MAP2K5: variants seen among roughly 807,000 people sequenced by gnomAD.
MAP2K5 encodes the protein mitogen-activated protein kinase kinase 5, also known as dual specificity mitogen-activated protein kinase kinase 5.
A neutral mutation model predicts 83.1 loss-of-function variants in MAP2K5; 49 were observed. That is an observed-to-expected ratio of 0.59 (90% CI 0.47 to 0.75). MAP2K5 has a LOEUF of 0.75. Among genes scored for constraint, MAP2K5 ranks in the 30% least tolerant of loss-of-function variants. The pLI is 0.00. For missense variants in MAP2K5, 457 were observed against 557.5 expected, an observed-to-expected ratio of 0.82 and a Z score of 1.82; for synonymous variants, 202 against 191.8, an observed-to-expected ratio of 1.05 and a Z score of -0.44.
intron 13 of MAP2K5, among the ~76,000 whole-genome samples, chr15:67,682,831 T>C (rs1056384360): frequency 1.6e-4 from 23 of 148,174 alleles, no homozygotes; most frequent in African/African-American, 5.6e-4. Flanking sequence ...AGACTCCATC[T>C]CAAAAAATAA....
At chr15:67,645,514 C>A (rs1009480767) in intron 9 of MAP2K5, among the ~76,000 whole-genome samples, 6 of 152,136 alleles carry the variant, frequency 3.9e-5, no homozygotes, top group Non-Finnish European at 2.9e-5. Flanking sequence ...TATTCATCAT[C>A]CTCTCTGCTT....
rs1226908116 is a variant in MAP2K5, at chr15:67,690,085, C to G, written c.848-2394C>G. Among the ~76,000 whole-genome samples, 5 of 152,128 alleles carry G rather than the reference C, an allele frequency of 3.3e-5. No homozygotes were observed. The highest frequency in any genetic ancestry group is 1.2e-4 in the African/African-American group (5 of 41,426). On this transcript the variant is annotated intron_variant, in intron 13 of 21. Transcript: ENST00000178640. This position sits in a 1 kb window ranked among gnomAD's most constrained non-coding sequence, Gnocchi z 4.3. Reference sequence around the variant, plus strand: ...ATTTTATATGTGGTCCAAGACAGTTCTTCTTCCAATGTGGCCCAGGGAAGC... The same window carrying G: ...ATTTTATATGTGGTCCAAGACAGTTGTTCTTCCAATGTGGCCCAGGGAAGC...
intron 8 of MAP2K5, among the ~76,000 whole-genome samples, chr15:67,604,012 G>C (rs2085724200): frequency 1.3e-5 from 2 of 152,150 alleles, no homozygotes; most frequent in Admixed American, 1.3e-4. Context: ...ATGGAATTTT[G>C]GGAATTTCAA....
At position 67,762,335 on chromosome 15, in the gene MAP2K5, T is replaced by C. The variant is rs2089964368; in HGVS notation, c.1135-7267T>C. On this transcript the variant is annotated intron_variant, in intron 19 of 21. Transcript: ENST00000178640. ...TGTGTGTACTGTTCATGTAGGCACATCTAAAAACTGCTGTGCACTATGGCT... is the reference window on the plus strand; with the variant it reads ...TGTGTGTACTGTTCATGTAGGCACACCTAAAAACTGCTGTGCACTATGGCT... Among the ~76,000 whole-genome samples, 3 of 152,078 alleles carry C rather than the reference T, an allele frequency of 2.0e-5. No homozygotes were observed. In the South Asian group the frequency reaches 6.2e-4, roughly 32 times the overall value.
rs2084983681 is a variant in MAP2K5 at position 67,573,217 on chromosome 15, T to C, written c.253-7537T>C. 6.6e-6 allele frequency among the ~76,000 whole-genome samples: 1 copy of C among 152,146 alleles called. No homozygotes were observed. The highest frequency in any genetic ancestry group is 6.5e-5 in the Admixed American group (1 of 15,276). ...TCACTCAAGATGGAGTTGCTCTGGT[T>C]CAAATGCCTCTAACAACATTGCTAT... On this transcript the variant is annotated intron_variant, in intron 3 of 21. Transcript: ENST00000178640. The surrounding 1 kb of genome is among the most constrained non-coding windows in gnomAD (Gnocchi z 4.2).
chr15:67,702,485 A>G lies in MAP2K5; in HGVS notation c.973-852A>G, dbSNP rs1178736181. Among the ~76,000 whole-genome samples, 1 of 152,194 alleles carries G rather than the reference A, an allele frequency of 6.6e-6. No individual in the cohort carries two copies. The highest frequency in any genetic ancestry group is 1.5e-5 in the Non-Finnish European group (1 of 68,026). On this transcript the variant is annotated intron_variant, in intron 15 of 21. Coordinates refer to ENST00000178640, the MANE Select transcript of MAP2K5 (RefSeq NM_145160.3). This position sits in a 1 kb window ranked among gnomAD's most constrained non-coding sequence, Gnocchi z 4.6. The stretch of plus-strand genomic sequence containing the variant: ...CCATGATTAGCCTGTAACCTTTAGC[A>G]ATCATTCCACCTTTGTGAGACCTCC...
rs1043898322 is a variant in MAP2K5, at chr15:67,768,814, C to G, written c.1135-788C>G. On this transcript the variant is annotated intron_variant, in intron 19 of 21. Coordinates refer to ENST00000178640, the MANE Select transcript of MAP2K5 (RefSeq NM_145160.3). The surrounding 1 kb of genome is among the most constrained non-coding windows in gnomAD (Gnocchi z 4.0). ...AGCTGTTACACTATAAACACAGTGG[C>G]GCTCTCTGTCATTCTTGGAAAAACT... is the stretch of plus-strand genomic sequence containing the variant. Among the ~76,000 whole-genome samples, 1 of 152,104 alleles carries G rather than the reference C, an allele frequency of 6.6e-6. No individual in the cohort carries two copies. Among genetic ancestry groups the G allele is most frequent in the African/African-American group, 2.4e-5 (1 of 41,402 alleles).
intron 7 of MAP2K5, among the ~76,000 whole-genome samples, chr15:67,594,830 C>A (rs1010929623): frequency 2.6e-5 from 4 of 151,960 alleles, no homozygotes; most frequent in Non-Finnish European, 5.9e-5. Flanking sequence ...ACCAAAAAAA[C>A]CCACCTTTGG....
rs1041091798 is a variant in MAP2K5 at position 67,777,265 on chromosome 15, G to A, written c.1242+4513G>A. On this transcript the variant is annotated intron_variant, in intron 21 of 21. Coordinates refer to ENST00000178640, the MANE Select transcript of MAP2K5 (RefSeq NM_145160.3). This position sits in a 1 kb window ranked among gnomAD's most constrained non-coding sequence, Gnocchi z 6.0. ...CCTGATTGTGGGCCTTAACTTGAACGGGGAAGGTGTGGGCTGTGGGCACCC... is the reference window on the plus strand; with the variant it reads ...CCTGATTGTGGGCCTTAACTTGAACAGGGAAGGTGTGGGCTGTGGGCACCC... Among the ~76,000 whole-genome samples, 2 of 152,168 alleles carry A rather than the reference G, an allele frequency of 1.3e-5. No individual in the cohort carries two copies. The highest frequency in any genetic ancestry group is 2.1e-4 in the South Asian group (1 of 4,830).
At chr15:67,696,996 A>G (rs2088280744) in intron 15 of MAP2K5, among the ~76,000 whole-genome samples, 1 of 152,196 alleles carries the variant, frequency 6.6e-6, no homozygotes, top group Non-Finnish European at 1.5e-5. Context: ...AAAAAAGAAA[A>G]GAAAATGAGA....
At chr15:67,658,149 G>C (rs1327309321) in intron 11 of MAP2K5, among the ~76,000 whole-genome samples, 3 of 152,010 alleles carry the variant, frequency 2.0e-5, no homozygotes, top group African/African-American at 4.8e-5. Flanking sequence ...GCTTTTGTTG[G>C]ATTAATGTGA....
intron 15 of MAP2K5, 38 bp downstream of exon 15, chr15:67,693,606 C>A: frequency 7.0e-7 from 1 of 1,420,246 alleles, no homozygotes; most frequent in Non-Finnish European, 9.9e-7. Flanking sequence ...TTAAAACCAA[C>A]ATCTTTATCT....
chr15:67,664,517 G>A (rs1247992140), intron 12 of MAP2K5, 80 bp from the exon 13 acceptor site: 32 of 866,790 alleles, frequency 3.7e-5, no homozygotes, highest in Admixed American at 2.2e-5. Flanking sequence ...AAAAAAAAAT[G>A]TTGAATGTAT....
At chr15:67,566,009 A>G (rs1386106057) in intron 3 of MAP2K5, among the ~76,000 whole-genome samples, 1 of 152,180 alleles carries the variant, frequency 6.6e-6, no homozygotes, top group Non-Finnish European at 1.5e-5. Flanking sequence ...GGTAGTCCTC[A>G]TGATTACCAG....
In MAP2K5 at chr15:67,783,395, G is replaced by T. The variant is rs147134458; in HGVS notation, c.1242+10643G>T. On this transcript the variant is annotated intron_variant, in intron 21 of 21. Transcript: ENST00000178640. The surrounding 1 kb of genome is among the most constrained non-coding windows in gnomAD (Gnocchi z 5.1). Reference sequence around the variant, plus strand: ...CTTCTGGCAGTCCCCAGATGCGTGAGGCATCCTCACACAGTCATGTCTTTG... The same window carrying T: ...CTTCTGGCAGTCCCCAGATGCGTGATGCATCCTCACACAGTCATGTCTTTG... Among the ~76,000 whole-genome samples the T allele has an allele frequency of 6.6e-6, 1 of 152,282 alleles. No individual in the cohort carries two copies. Among genetic ancestry groups the T allele is most frequent in the Middle Eastern group, 3.4e-3 (1 of 294 alleles).
chr15:67,693,627 G>A, intron 15 of MAP2K5, 59 bp downstream of exon 15: 1 of 1,246,708 alleles, frequency 8.0e-7, no homozygotes, highest in Non-Finnish European at 1.2e-6. Flanking sequence ...TTATGTACTT[G>A]GTAATGTATA....
intron 6 of MAP2K5, among the ~76,000 whole-genome samples, chr15:67,590,795 G>T (rs1596610728): frequency 6.6e-6 from 1 of 152,004 alleles, no homozygotes; most frequent in East Asian, 1.9e-4. Context: ...ATGTCTTACT[G>T]CATTACTACT....
In MAP2K5 at chr15:67,757,346, T is replaced by G. The variant is rs571280549; in HGVS notation, c.1134+8745T>G. Reference sequence around the variant, plus strand: ...TATGTCTTCCCATTGATTCAATAGTTGATGTTCACACATTTCTAAAAGCCC... The same window carrying G: ...TATGTCTTCCCATTGATTCAATAGTGGATGTTCACACATTTCTAAAAGCCC... On this transcript the variant is annotated intron_variant, in intron 19 of 21. Transcript: ENST00000178640. The surrounding 1 kb of genome is among the most constrained non-coding windows in gnomAD (Gnocchi z 4.9). 1.3e-5 allele frequency among the ~76,000 whole-genome samples: 2 copies of G among 152,310 alleles called. No individual in the cohort carries two copies. The highest frequency in any genetic ancestry group is 4.1e-4 in the South Asian group (2 of 4,828).
chr15:67,586,558 GT>G (rs2085295824), intron 5 of MAP2K5, among the ~76,000 whole-genome samples: 1 of 152,040 alleles, frequency 6.6e-6, no homozygotes, highest in Non-Finnish European at 1.5e-5. Flanking sequence ...TGAACATACT[GT>G]TTTTATATGT....
Sources: allele counts gnomAD v4.1 joint callset (sites outside exome capture counted in the v4.1 genomes callset), GRCh38; gene constraint gnomAD v4.1.1; non-coding constraint Gnocchi (gnomAD v3.1); transcripts MANE v1.5; gene names NCBI Gene and HGNC (gene_info 2026-07-23, HGNC 2026-07-21).